Variants in TNRC6C observed in about 807,000 individuals in gnomAD.
TNRC6C encodes trinucleotide repeat containing adaptor 6C, also known as trinucleotide repeat-containing gene 6C protein.
A neutral mutation model predicts 153.7 loss-of-function variants in TNRC6C; 20 were observed. The ratio of observed to expected loss-of-function variants is 0.13; its 90% CI spans 0.09 to 0.19. TNRC6C has a LOEUF of 0.19. Ranked by LOEUF, TNRC6C falls within the 10% of genes least tolerant of loss-of-function variation. The pLI is 1.00. For synonymous variants in TNRC6C, 811 were observed against 841.4 expected (o/e 0.96, Z 0.63); for missense variants, 1,987 against 2,172.0 (o/e 0.91, Z 1.69).
chr17:78,090,584 A>G (rs1403143423), intron 13 of TNRC6C, among the ~76,000 whole-genome samples: 1 of 152,162 alleles, frequency 6.6e-6, no homozygotes, highest in Non-Finnish European at 1.5e-5. Flanking sequence ...CCTGCTCCAA[A>G]CTAGTGTCCT....
intron 4 of TNRC6C, chr17:78,066,848 C>T (rs1350581618): frequency 6.6e-6 from 1 of 152,146 alleles, no homozygotes; most frequent in African/African-American, 2.4e-5. Flanking sequence ...TTCACATGAT[C>T]CAGCTGACTG....
intron 3 of TNRC6C, among the ~76,000 whole-genome samples, chr17:78,059,443 G>A (rs1416633222): frequency 6.6e-6 from 1 of 152,218 alleles, no homozygotes; most frequent in African/African-American, 2.4e-5. Context: ...GAAGTAGGAA[G>A]AGATGCTTCT....
intron 1 of TNRC6C, among the ~76,000 whole-genome samples, chr17:77,992,801 G>GT (rs1484120809): frequency 6.6e-6 from 1 of 152,146 alleles, no homozygotes; most frequent in Non-Finnish European, 1.5e-5. Flanking sequence ...TGTAGAACAG[G>GT]TGGGTGTTCT....
chr17:78,006,746 A>G (rs2071522890), intron 1 of TNRC6C, among the ~76,000 whole-genome samples: 1 of 151,756 alleles, frequency 6.6e-6, no homozygotes. Flanking sequence ...ATTGTGAATT[A>G]CATTGTCCCA....
At chr17:78,031,349 C>G (rs1167124324) in intron 1 of TNRC6C, among the ~76,000 whole-genome samples, 167 bp from the exon 4 acceptor site, 2 of 152,110 alleles carry the variant, frequency 1.3e-5, no homozygotes, top group Non-Finnish European at 2.9e-5. Context: ...TTGTGTGTAG[C>G]AAAACTAGGT....
intron 16 of TNRC6C, among the ~76,000 whole-genome samples, chr17:78,095,646 C>T (rs1326830674): frequency 6.6e-6 from 1 of 152,200 alleles, no homozygotes; most frequent in Non-Finnish European, 1.5e-5. Context: ...CTTGTTGCTC[C>T]ACTCTGGTAC....
At position 77,991,534 on chromosome 17, in the gene TNRC6C, C is replaced by G. The variant is rs2071250267; in HGVS notation, c.-37-12636C>G. On this transcript the variant is annotated intron_variant, in intron 1 of 22. Coordinates refer to the TNRC6C transcript ENST00000636222. ...AATACGTAAACTTCCAGGGCATGAA[C>G]CAAAAAGGAAATAATTTGCTCTTCA... Among the ~76,000 whole-genome samples the G allele has an allele frequency of 2.6e-5, 4 of 152,074 alleles. No homozygotes were observed. The South Asian group carries it at 8.3e-4, about 31-fold the overall frequency.
At chr17:78,082,547 A>G (rs2073200515) in intron 10 of TNRC6C, among the ~76,000 whole-genome samples, 1 of 152,188 alleles carries the variant, frequency 6.6e-6, no homozygotes, top group Admixed American at 6.5e-5. Context: ...AAACTAGATA[A>G]CTGTTTAGAC....
In TNRC6C at chr17:78,050,666, G is replaced by C. The variant is rs1250436299; in HGVS notation, c.1604G>C (p.Gly535Ala). 3.8e-6 allele frequency: 6 copies of C among 1,558,572 alleles called. No individual in the cohort carries two copies. In the African/African-American group the frequency reaches 6.8e-5, roughly 18 times the overall value. Residue 535 changes from glycine (G) to alanine (A), a missense_variant, in exon 3 of 20, where the codon GGG (glycine) becomes GCG (alanine). Physicochemically the swap from Gly to Ala is moderately conservative, Grantham distance 60. Around this residue, in one of 4 missense-constraint regions of TNRC6C, gnomAD observed 1,052 missense variants for 1,017.0 expected, o/e 1.03. Coordinates refer to ENST00000301624, the Ensembl canonical transcript of TNRC6C. Reference sequence around the variant, plus strand: ...AACAACAAAGCGCCAAGTGGCCCGGGGGTTTGGGGGGACTCGATAAGCTCT... The same window carrying C: ...AACAACAAAGCGCCAAGTGGCCCGGCGGTTTGGGGGGACTCGATAAGCTCT...
At chr17:78,064,150 A>G (rs2072824454) in intron 3 of TNRC6C, among the ~76,000 whole-genome samples, 1 of 152,182 alleles carries the variant, frequency 6.6e-6, no homozygotes, top group Non-Finnish European at 1.5e-5. Context: ...TTACCAAAGT[A>G]TAACTTAGGA....
intron 1 of TNRC6C, among the ~76,000 whole-genome samples, chr17:77,966,994 A>G (rs1346791176): frequency 6.6e-6 from 1 of 152,204 alleles, no homozygotes; most frequent in Non-Finnish European, 1.5e-5. Flanking sequence ...ATTTTAGGTA[A>G]ACTTAAGAGA....
intron 3 of TNRC6C, among the ~76,000 whole-genome samples, chr17:78,057,228 A>G (rs1257871571): frequency 6.6e-6 from 1 of 152,176 alleles, no homozygotes; most frequent in East Asian, 1.9e-4. Context: ...CCACTGGCAT[A>G]AAGTGGCTAC....
At chr17:78,103,755 G>A (rs1039391938) in intron 19 of TNRC6C, among the ~76,000 whole-genome samples, 1 of 152,142 alleles carries the variant, frequency 6.6e-6, no homozygotes, top group Non-Finnish European at 1.5e-5. Context: ...CTCTCTCCTT[G>A]GCTGTAGACA....
rs1322614404 is a variant in TNRC6C, at chr17:78,007,096, C to T, written c.-546+2017C>T. ...GACCTCAAATGATTCCCCCCCACCT[C>T]GGCCTGCCAAAGTGCTGGGATTACA... On this transcript the variant is annotated intron_variant, in intron 1 of 19. Transcript: ENST00000301624. Among the ~76,000 whole-genome samples the T allele has an allele frequency of 2.6e-5, 4 of 152,160 alleles. No homozygotes were observed. The South Asian group carries it at 8.3e-4, about 32-fold the overall frequency.
Position 78,067,761 on chromosome 17 carries a change from A to C in TNRC6C, c.2616A>C (p.Ser872=), listed in dbSNP as rs28562067. The C allele has an allele frequency of 4.1e-3, 6,503 of 1,604,804 alleles. 226 individuals carry two copies. In the African/African-American group the frequency reaches 0.075, roughly 18 times the overall value. The change falls in exon 5 of 20, where the codon TCA becomes TCC. Residue 872 remains serine (S), a synonymous_variant. Transcript: ENST00000301624. ...TCATGTTTGCTCTGTTTCTAGCTTCAAAATCTATGCAAGAAGGCTGGGGCA... is the reference window on the plus strand; with the variant it reads ...TCATGTTTGCTCTGTTTCTAGCTTCCAAATCTATGCAAGAAGGCTGGGGCA...
intron 1 of TNRC6C, among the ~76,000 whole-genome samples, chr17:77,973,523 C>G (rs1022631926): frequency 1.3e-5 from 2 of 152,168 alleles, no homozygotes; most frequent in African/African-American, 4.8e-5. Flanking sequence ...TAAAAGGCAC[C>G]TGGATTAGAA....
At chr17:78,014,244 CAAG>C (rs1423687372) in intron 1 of TNRC6C, among the ~76,000 whole-genome samples, 2 of 151,484 alleles carry the variant, frequency 1.3e-5, no homozygotes, top group African/African-American at 2.4e-5. Context: ...GAGATGTGGT[CAAG>C]AAGGAGTTAA....
chr17:78,038,909 C>T (rs746540426), intron 2 of TNRC6C, among the ~76,000 whole-genome samples: 3 of 152,020 alleles, frequency 2.0e-5, no homozygotes, highest in Non-Finnish European at 1.5e-5. Context: ...TCACCGCAGG[C>T]GACCAGCGAG....
At chr17:78,039,204 A>G (rs961711618) in intron 2 of TNRC6C, among the ~76,000 whole-genome samples, 1 of 152,152 alleles carries the variant, frequency 6.6e-6, no homozygotes, top group African/African-American at 2.4e-5. Context: ...TCCAGTGACC[A>G]GCAATCTCAC....
Sources: allele counts gnomAD v4.1 joint callset (sites outside exome capture counted in the v4.1 genomes callset), GRCh38; gene constraint gnomAD v4.1.1; regional missense constraint gnomAD v4.1.1; transcripts MANE v1.5; gene names NCBI Gene and HGNC (gene_info 2026-07-23, HGNC 2026-07-21).